The following DNAH6 variants were observed in gnomAD, a reference collection of about 807,000 sequenced individuals.
The protein encoded by DNAH6 is dynein axonemal heavy chain 6.
A neutral mutation model predicts 491.4 loss-of-function variants in DNAH6; 340 were observed. That is an observed-to-expected ratio of 0.69 (90% CI 0.63 to 0.76). DNAH6 has a LOEUF of 0.76. DNAH6 is among the 30% of genes least tolerant of loss of function. The pLI is 0.00. For synonymous variants in DNAH6, 1,603 were observed against 1,686.1 expected, an observed-to-expected ratio of 0.95 and a Z score of 1.21; for missense variants, 4,443 against 4,972.2, an observed-to-expected ratio of 0.89 and a Z score of 3.20.
chr2:84,733,894 T>A (rs1190978646), intron 62 of DNAH6, among the ~76,000 whole-genome samples: 1 of 152,002 alleles, frequency 6.6e-6, no homozygotes, highest in Non-Finnish European at 1.5e-5. Flanking sequence ...TTACTTTTTA[T>A]TGAAGGATAA....
chr2:84,658,458 G>T lies in DNAH6; in HGVS notation c.5924G>T (p.Gly1975Val). Residue 1975 changes from glycine to valine, a missense_variant, in exon 36 of 77, where the codon GGA (glycine) becomes GTA (valine). Gly to Val is a moderately radical substitution (Grantham distance 109). Coordinates refer to ENST00000389394, the MANE Select transcript of DNAH6 (RefSeq NM_001370.2). ...LLESLILGKD[G>V]VNLAMEQTKL... ...GAGTCCTTGATACTTGGGAAAGATG[G>T]AGTTAACTTGGCAATGGTATGAAGA... 1 of 1,512,756 alleles carries T rather than the reference G, an allele frequency of 6.6e-7. No homozygotes were observed. The highest frequency in any genetic ancestry group is 8.9e-7 in the Non-Finnish European group (1 of 1,128,784). 93.7% of individuals were successfully genotyped at this position (1,512,756 alleles called of 1,614,324 possible).
rs556902569 is a variant in DNAH6, at chr2:84,772,990, G to A, written c.10704-8503G>A. On this transcript the variant is annotated intron_variant, in intron 64 of 76. Transcript: ENST00000389394. ...ATAAAATTAGAAATAAATAACAGAA[G>A]GAAATATGGACAATTCACAAATATA... 2.0e-5 allele frequency among the ~76,000 whole-genome samples: 3 copies of A among 151,788 alleles called. No homozygotes were observed. The East Asian group carries it at 5.8e-4, about 29-fold the overall frequency.
the DNAH6 span, among the ~76,000 whole-genome samples, chr2:84,473,798 G>A: frequency 6.6e-6 from 1 of 152,096 alleles, no homozygotes; most frequent in Admixed American, 6.6e-5. Flanking sequence ...TTTATCGGGG[G>A]CTATAATTAA....
intron 2 of DNAH6, among the ~76,000 whole-genome samples, chr2:84,518,917 C>T (rs186153997): frequency 9.2e-5 from 14 of 152,242 alleles, no homozygotes; most frequent in Admixed American, 7.8e-4. Context: ...CGCATGGGCT[C>T]ATGCCTGTAA....
chr2:84,547,057 A>T (rs1034275328), intron 5 of DNAH6, among the ~76,000 whole-genome samples: 1 of 152,232 alleles, frequency 6.6e-6, no homozygotes, highest in African/African-American at 2.4e-5. Context: ...AAAAGAAAGG[A>T]ATTCAGACAA....
chr2:84,776,441 G>A (rs896613661), intron 64 of DNAH6, among the ~76,000 whole-genome samples: 5 of 152,202 alleles, frequency 3.3e-5, no homozygotes, highest in African/African-American at 1.2e-4. Flanking sequence ...GTTTTTCCCA[G>A]TGGATCTTAA....
At position 84,681,422 on chromosome 2, in the gene DNAH6, A is replaced by G. The variant is rs968068876; in HGVS notation, c.6810A>G (p.Val2270=). 6.4e-7 allele frequency: 1 copy of G among 1,551,668 alleles called. No individual in the cohort carries two copies. The highest frequency in any genetic ancestry group is 1.4e-5 in the African/African-American group (1 of 73,156). ...TAAAGCAAACTGCATCAAGCATTGT[A>G]GAAGCCTCAGTTGAGATTTATAACA... The part of the protein sequence containing the change: ...PAVKQTASSI[V]EASVEIYNKM... Residue 2270 remains valine (V), a synonymous_variant, in exon 42 of 77, where the codon GTA becomes GTG. Coordinates refer to ENST00000389394, the MANE Select transcript of DNAH6 (RefSeq NM_001370.2).
intron 22 of DNAH6, 49 bp downstream of exon 22, chr2:84,611,903 GTCTGGGACTTT>G: frequency 6.8e-7 from 1 of 1,477,982 alleles, no homozygotes; most frequent in Non-Finnish European, 9.1e-7. Context: ...TCTTTTAGTA[GTCTGGGACTTT>G]AGTCCCAGAC....
At chr2:84,661,748 A>G (rs1444628739) in intron 37 of DNAH6, among the ~76,000 whole-genome samples, 2 of 151,782 alleles carry the variant, frequency 1.3e-5, no homozygotes. Flanking sequence ...GGCAACTTCA[A>G]TCCCAAAATC....
At chr2:84,558,253 C>A (rs892087897) in intron 11 of DNAH6, among the ~76,000 whole-genome samples, 7 of 151,864 alleles carry the variant, frequency 4.6e-5, no homozygotes, top group African/African-American at 1.7e-4. Context: ...CATTGAAACC[C>A]CATCTCTACT....
At chr2:84,598,847 T>A (rs1046098405) in intron 18 of DNAH6, among the ~76,000 whole-genome samples, 1 of 151,902 alleles carries the variant, frequency 6.6e-6, no homozygotes, top group Non-Finnish European at 1.5e-5. Context: ...CTGGCCAACA[T>A]GGTGAAACCC....
At chr2:84,781,376 T>C in intron 64 of DNAH6, 117 bp from the exon 65 acceptor site, 3 of 854,568 alleles carry the variant, frequency 3.5e-6, no homozygotes, top group Non-Finnish European at 5.2e-6. Context: ...CCTATTGGAA[T>C]GAGGATTCAA....
chr2:84,803,535 ATTATC>A (rs1219803157), intron 70 of DNAH6, among the ~76,000 whole-genome samples: 2 of 151,880 alleles, frequency 1.3e-5, no homozygotes, highest in Non-Finnish European at 2.9e-5. Context: ...ATATTATAGA[ATTATC>A]TTATAAATTA....
At chr2:84,684,423 T>A (rs1694086920) in intron 42 of DNAH6, among the ~76,000 whole-genome samples, 1 of 152,250 alleles carries the variant, frequency 6.6e-6, no homozygotes, top group South Asian at 2.1e-4. Flanking sequence ...ATGTTGAATC[T>A]CTTTCTCCTT....
At chr2:84,479,551 G>C in the DNAH6 span, among the ~76,000 whole-genome samples, 6 of 152,196 alleles carry the variant, frequency 3.9e-5, no homozygotes, top group Admixed American at 3.3e-4. Context: ...CACAAGAAGT[G>C]ATTCATGTTG....
chr2:84,631,113 CCTGA>C (rs1294938423), intron 29 of DNAH6, among the ~76,000 whole-genome samples: 1 of 152,158 alleles, frequency 6.6e-6, no homozygotes, highest in Admixed American at 6.5e-5. Flanking sequence ...TGAGAGCCGA[CCTGA>C]CTCAGACTAT....
At position 84,611,672 on chromosome 2, in the gene DNAH6, A is replaced by G; in HGVS notation, c.3295-2A>G. The stretch of plus-strand genomic sequence containing the variant: ...TTGACAGTGTCCATATTTTTCTCCT[A>G]GGAAGAGTGGCTGACCTGCCAGAGA... On this transcript the variant is annotated splice_acceptor_variant, in intron 21 of 76. Coordinates refer to ENST00000389394, the MANE Select transcript of DNAH6 (RefSeq NM_001370.2). LOFTEE classifies it high-confidence loss of function. 3 of 1,549,678 alleles carry G rather than the reference A, an allele frequency of 1.9e-6. No individual in the cohort carries two copies. Among genetic ancestry groups the G allele is most frequent in the Non-Finnish European group, 2.6e-6 (3 of 1,145,864 alleles).
intron 24 of DNAH6, 45 bp downstream of exon 24, chr2:84,619,949 C>A: frequency 6.9e-7 from 1 of 1,456,652 alleles, no homozygotes; most frequent in Non-Finnish European, 9.4e-7. Flanking sequence ...AACTTTGCTA[C>A]TCCTCTAGGG....
intron 59 of DNAH6, among the ~76,000 whole-genome samples, chr2:84,721,105 A>G (rs1240772989): frequency 6.6e-6 from 1 of 152,226 alleles, no homozygotes; most frequent in African/African-American, 2.4e-5. Context: ...GGAAGCATAT[A>G]GTATTCTAAT....
Sources: allele counts gnomAD v4.1 joint callset (sites outside exome capture counted in the v4.1 genomes callset), GRCh38; gene constraint gnomAD v4.1.1; transcripts MANE v1.5; gene names NCBI Gene and HGNC (gene_info 2026-07-23, HGNC 2026-07-21).